GMDS: variants seen among roughly 807,000 people sequenced by gnomAD.
The protein encoded by GMDS is GDP-mannose 4,6-dehydratase, also known as GDP-mannose 4,6 dehydratase.
GMDS carries 20 observed loss-of-function variants against 49.9 expected under a neutral mutation model. The observed-to-expected ratio is 0.40, with a 90% CI of 0.28 to 0.58. The LOEUF (loss-of-function observed/expected upper bound fraction) is 0.58, where lower values mean the gene tolerates loss of function less well. Among genes scored for constraint, GMDS ranks in the 20% least tolerant of loss-of-function variants. The pLI, the probability that GMDS is intolerant of heterozygous loss-of-function variation, is 0.42. For synonymous variants in GMDS, 177 were observed against 178.6 expected (o/e 0.99, Z 0.07); for missense variants, 362 against 481.4 (o/e 0.75, Z 2.32).
At chr6:2,064,956 A>G (rs977247910) in intron 4 of GMDS, among the ~76,000 whole-genome samples, 8 of 152,158 alleles carry the variant, frequency 5.3e-5, no homozygotes, top group Admixed American at 5.2e-4. Context: ...AAGGTCACAA[A>G]AATCAGCATG....
intron 4 of GMDS, among the ~76,000 whole-genome samples, chr6:1,982,187 T>G (rs1170360204): frequency 6.6e-6 from 1 of 152,084 alleles, no homozygotes; most frequent in Non-Finnish European, 1.5e-5. Flanking sequence ...GTGTCTGTAA[T>G]CCTAGCTACT....
At chr6:2,188,837 T>C (rs1463241945) in intron 1 of GMDS, among the ~76,000 whole-genome samples, 1 of 152,096 alleles carries the variant, frequency 6.6e-6, no homozygotes, top group African/African-American at 2.4e-5. Context: ...GGTGAGGACG[T>C]GGAAGAGGCT....
chr6:2,151,928 A>T (rs1194248397), intron 1 of GMDS, among the ~76,000 whole-genome samples: 7 of 152,140 alleles, frequency 4.6e-5, no homozygotes, highest in Non-Finnish European at 1.0e-4. Context: ...AAAATATTTC[A>T]TGTTACCTTA....
In GMDS at chr6:2,164,976, T is replaced by C. The variant is rs529414980; in HGVS notation, c.103-40245A>G. The stretch of plus-strand genomic sequence containing the variant: ...TACCCAGATCCTTGATTGCTTTAAG[T>C]GGTTGGTTAGGAGTATCCAATGGTG... On this transcript the variant is annotated intron_variant, in intron 1 of 10. Coordinates refer to ENST00000380815, the MANE Select transcript of GMDS (RefSeq NM_001500.4). 1.4e-4 allele frequency among the ~76,000 whole-genome samples: 21 copies of C among 152,322 alleles called. 2 individuals carry two copies. The South Asian group carries it at 4.3e-3, about 32-fold the overall frequency.
In GMDS at chr6:2,148,889, G is replaced by GT. The variant is rs1350594834; in HGVS notation, c.103-24159dup. 2.0e-5 allele frequency among the ~76,000 whole-genome samples: 3 copies of GT among 152,270 alleles called. No individual in the cohort carries two copies. In the East Asian group the frequency reaches 5.8e-4, roughly 29 times the overall value. ...GACATGCAGCAATACGGTAGAACAC[G>GT]TGAGAAACTGCTCATCTGGACTGCA... On this transcript the variant is annotated intron_variant, in intron 1 of 10. Transcript: ENST00000380815.
At chr6:1,832,151 A>G (rs971250119) in intron 7 of GMDS, among the ~76,000 whole-genome samples, 8 of 151,500 alleles carry the variant, frequency 5.3e-5, no homozygotes, top group African/African-American at 1.7e-4. Context: ...GCAACTTGCT[A>G]TATTGCCCAG....
intron 7 of GMDS, among the ~76,000 whole-genome samples, chr6:1,913,561 C>A (rs1364491196): frequency 6.6e-6 from 1 of 152,092 alleles, no homozygotes; most frequent in African/African-American, 2.4e-5. Flanking sequence ...TTTTAAAAGA[C>A]CATATTCCAG....
Position 2,001,624 on chromosome 6 carries a change from C to G in GMDS, c.346-40658G>C, listed in dbSNP as rs187155515. Among the ~76,000 whole-genome samples the G allele has an allele frequency of 4.8e-3, 724 of 152,192 alleles. 10 individuals are homozygous for G. Among genetic ancestry groups the G allele is most frequent in the Middle Eastern group, 0.038 (11 of 292 alleles). ...AACAAAGTTGGAGGACTCACACTTC[C>G]TAAATTCCAAACTTATAATACAAGC... On this transcript the variant is annotated intron_variant, in intron 4 of 10. Transcript: ENST00000380815.
chr6:2,014,694 C>T (rs1348483420), intron 4 of GMDS, among the ~76,000 whole-genome samples: 2 of 151,938 alleles, frequency 1.3e-5, no homozygotes, highest in African/African-American at 2.4e-5. Context: ...AAAACTGATG[C>T]AAATATCACA....
At chr6:2,167,883 T>G (rs1312619905) in intron 1 of GMDS, among the ~76,000 whole-genome samples, 1 of 152,210 alleles carries the variant, frequency 6.6e-6, no homozygotes. Flanking sequence ...GTACCTTCAA[T>G]GCCTAGTGAA....
chr6:1,698,665 C>T (rs1765431695), intron 9 of GMDS, among the ~76,000 whole-genome samples: 1 of 152,154 alleles, frequency 6.6e-6, no homozygotes, highest in South Asian at 2.1e-4. Context: ...TGCAGCACAG[C>T]CCACTCTGAG....
intron 9 of GMDS, among the ~76,000 whole-genome samples, chr6:1,671,568 G>A (rs1037911434): frequency 2.0e-5 from 3 of 152,050 alleles, no homozygotes; most frequent in Admixed American, 1.3e-4. Flanking sequence ...ATATCATTCT[G>A]AGAATTTGAG....
At chr6:1,976,103 C>T (rs1214676676) in intron 4 of GMDS, among the ~76,000 whole-genome samples, 2 of 152,124 alleles carry the variant, frequency 1.3e-5, no homozygotes, top group Non-Finnish European at 2.9e-5. Flanking sequence ...GGAAGTAGTA[C>T]AATGATTTAG....
rs1768918340 is a variant in GMDS at position 1,778,173 on chromosome 6, A to T, written c.772-35587T>A. 6.6e-6 allele frequency among the ~76,000 whole-genome samples: 1 copy of T among 152,186 alleles called. No homozygotes were observed. Among genetic ancestry groups the T allele is most frequent in the Non-Finnish European group, 1.5e-5 (1 of 68,036 alleles). ...GGATCGAGTTAGACTGGCCTTCTCAACACCTCACGAAAAGCGCCCTTGGGT... is the reference window on the plus strand; with the variant it reads ...GGATCGAGTTAGACTGGCCTTCTCATCACCTCACGAAAAGCGCCCTTGGGT... On this transcript the variant is annotated intron_variant, in intron 7 of 10. Coordinates refer to ENST00000380815, the MANE Select transcript of GMDS (RefSeq NM_001500.4). This position sits in a 1 kb window ranked among gnomAD's most constrained non-coding sequence, Gnocchi z 4.6.
In GMDS at chr6:2,230,203, T is replaced by C. The variant is rs1041596716; in HGVS notation, c.102+15118A>G. On this transcript the variant is annotated intron_variant, in intron 1 of 10. Transcript: ENST00000380815. ...GTTAAGCATTATCTACATCAGTCAA[T>C]GTCCTACTAAAAGTTTCCATTACAC... 2.0e-5 allele frequency among the ~76,000 whole-genome samples: 3 copies of C among 152,360 alleles called. No homozygotes were observed. The East Asian group carries it at 5.8e-4, about 29-fold the overall frequency.
chr6:2,081,504 C>T (rs554061872), intron 4 of GMDS, among the ~76,000 whole-genome samples: 6 of 152,122 alleles, frequency 3.9e-5, no homozygotes, highest in Non-Finnish European at 5.9e-5. Flanking sequence ...TGTCCTAGAG[C>T]CCTTCCATCA....
chr6:1,712,163 G>C (rs1489776317), intron 9 of GMDS, among the ~76,000 whole-genome samples: 1 of 152,242 alleles, frequency 6.6e-6, no homozygotes, highest in African/African-American at 2.4e-5. Context: ...GAAGATGCTG[G>C]AAAATTAAGT....
chr6:1,817,916 T>C (rs994148778), intron 7 of GMDS, among the ~76,000 whole-genome samples: 4 of 152,108 alleles, frequency 2.6e-5, no homozygotes, highest in Non-Finnish European at 4.4e-5. Context: ...CTTTTTTTAA[T>C]GGAGAACTGC....
In GMDS at chr6:1,864,126, A is replaced by G. The variant is rs149348395; in HGVS notation, c.771+65977T>C. Among the ~76,000 whole-genome samples, 67 of 152,306 alleles carry G rather than the reference A, an allele frequency of 4.4e-4. No homozygotes were observed. The East Asian group carries it at 0.011, about 25-fold the overall frequency. On this transcript the variant is annotated intron_variant, in intron 7 of 10. Transcript: ENST00000380815. ...AAAAACAATCCCAAGGAGATAAAAC[A>G]TTATAAATATCAAGAATTATTTCTC...
Sources: allele counts gnomAD v4.1 joint callset (sites outside exome capture counted in the v4.1 genomes callset), GRCh38; gene constraint gnomAD v4.1.1; non-coding constraint Gnocchi (gnomAD v3.1); transcripts MANE v1.5; gene names NCBI Gene and HGNC (gene_info 2026-07-23, HGNC 2026-07-21).